PLEKHA5: variants seen among roughly 807,000 people sequenced by gnomAD.
PLEKHA5 encodes pleckstrin homology domain containing A5, also known as pleckstrin homology domain-containing family A member 5.
PLEKHA5 carries 55 observed loss-of-function variants against 181.9 expected under a neutral mutation model. The observed-to-expected ratio is 0.30, with a 90% CI of 0.24 to 0.38. PLEKHA5 has a LOEUF of 0.38. Ranked by LOEUF, PLEKHA5 falls within the 10% of genes least tolerant of loss-of-function variation. The pLI, the probability that PLEKHA5 is intolerant of heterozygous loss-of-function variation, is 1.00. For synonymous variants in PLEKHA5, 535 were observed against 529.4 expected (o/e 1.01, Z -0.15); for missense variants, 1,432 against 1,549.5 (o/e 0.92, Z 1.27).
chr12:19,138,481 G>A (rs2036310594), intron 3 of PLEKHA5, among the ~76,000 whole-genome samples: 1 of 151,788 alleles, frequency 6.6e-6, no homozygotes, highest in Non-Finnish European at 1.5e-5. Flanking sequence ...GCTGAGGCAG[G>A]AGAATCGCTT....
At chr12:19,131,043 C>T (rs753220706) in intron 2 of PLEKHA5, among the ~76,000 whole-genome samples, 10 of 152,174 alleles carry the variant, frequency 6.6e-5, no homozygotes, top group Non-Finnish European at 1.3e-4. Context: ...CTGTACTGGT[C>T]TGGGTTTCTT....
intron 3 of PLEKHA5, among the ~76,000 whole-genome samples, chr12:19,221,837 G>C (rs2058988929): frequency 6.6e-6 from 1 of 152,082 alleles, no homozygotes; most frequent in Non-Finnish European, 1.5e-5. Context: ...AGAAAGTCTG[G>C]GGAACTATCA....
chr12:19,218,280 T>C (rs1455733681), intron 3 of PLEKHA5, among the ~76,000 whole-genome samples: 2 of 152,142 alleles, frequency 1.3e-5, no homozygotes, highest in East Asian at 1.9e-4. Flanking sequence ...TTACCAGTAA[T>C]GTTTGCACAA....
At chr12:19,368,779 C>A (rs1336145096) in intron 30 of PLEKHA5, among the ~76,000 whole-genome samples, 1 of 151,884 alleles carries the variant, frequency 6.6e-6, no homozygotes, top group East Asian at 1.9e-4. Context: ...CAACAAAGAG[C>A]GAAATTCTGT....
At chr12:19,346,801 T>A (rs1398024765) in intron 23 of PLEKHA5, among the ~76,000 whole-genome samples, 193 bp from the exon 24 acceptor site, 1 of 152,158 alleles carries the variant, frequency 6.6e-6, no homozygotes, top group African/African-American at 2.4e-5. Context: ...TCAGATGTAA[T>A]TATATGTTAA....
Position 19,131,549 on chromosome 12 carries a change from A to G in PLEKHA5, c.170-844A>G, listed in dbSNP as rs1045444433. 5.3e-5 allele frequency among the ~76,000 whole-genome samples: 8 copies of G among 152,292 alleles called. No individual in the cohort carries two copies. In the East Asian group the frequency reaches 5.8e-4, roughly 11 times the overall value. On this transcript the variant is annotated intron_variant, in intron 2 of 31. Coordinates refer to ENST00000429027, the MANE Select transcript of PLEKHA5 (RefSeq NM_001256470.2). ...TTTATTTCATGAAAGACGATATGAC[A>G]TTTAAATTATTTAGACTAATTATCC...
In PLEKHA5 at chr12:19,274,640, GAAA is replaced by G; in HGVS notation, c.975_977del (p.Lys326del). On this transcript the variant is annotated inframe_deletion, in exon 11 of 32. Transcript: ENST00000429027. ...AAACAAGGAAATGAGCAAAATTGAA[GAAA>G]AAAAGGCATTAGAAGCTGAAAAATA... is the stretch of plus-strand genomic sequence containing the variant. 1 of 1,613,506 alleles carries G rather than the reference GAAA, an allele frequency of 6.2e-7. No individual in the cohort carries two copies. Among genetic ancestry groups the G allele is most frequent in the South Asian group, 1.1e-5 (1 of 91,052 alleles).
At chr12:19,306,867 G>C (rs767015721) in intron 15 of PLEKHA5, 22 of 789,958 alleles carry the variant, frequency 2.8e-5, no homozygotes, top group Non-Finnish European at 4.2e-5. Context: ...TATGCAGAAG[G>C]AGTTATTCCT....
chr12:19,223,071 G>A (rs1592117483), intron 3 of PLEKHA5, among the ~76,000 whole-genome samples: 1 of 149,584 alleles, frequency 6.7e-6, no homozygotes, highest in East Asian at 2.0e-4. Context: ...TTGCAGTTAG[G>A]CAGGCCTAGC....
intron 3 of PLEKHA5, among the ~76,000 whole-genome samples, chr12:19,204,175 A>G (rs1164385668): frequency 6.6e-6 from 1 of 152,020 alleles, no homozygotes; most frequent in African/African-American, 2.4e-5. Flanking sequence ...AGACATTTAT[A>G]TAGAAGGGTG....
At chr12:19,176,118 A>C (rs1037203505) in intron 3 of PLEKHA5, among the ~76,000 whole-genome samples, 6 of 152,122 alleles carry the variant, frequency 3.9e-5, no homozygotes, top group African/African-American at 1.2e-4. Context: ...TATTTTATTA[A>C]ACCATGAGAT....
chr12:19,345,361 C>T (rs1291533924), intron 22 of PLEKHA5, among the ~76,000 whole-genome samples: 2 of 151,192 alleles, frequency 1.3e-5, no homozygotes, highest in Admixed American at 6.6e-5. Flanking sequence ...GATCTTGCCA[C>T]TGCACTCCAG....
chr12:19,278,624 CAT>C (rs1218504463), intron 11 of PLEKHA5, among the ~76,000 whole-genome samples: 10 of 152,104 alleles, frequency 6.6e-5, no homozygotes, highest in African/African-American at 2.2e-4. Context: ...CATATTTGCA[CAT>C]AGTCATGGGA....
Position 19,274,604 on chromosome 12 carries a change from A to C in PLEKHA5, c.934A>C (p.Asn312His). 6.2e-7 allele frequency: 1 copy of C among 1,613,790 alleles called. No individual in the cohort carries two copies. Reference protein sequence around the residue: ...HRVLIKPEIQNNQKNKEMSKI... With the variant: ...HRVLIKPEIQHNQKNKEMSKI... ...AGTGCTAATTAAACCAGAGATCCAA[A>C]ACAATCAAAAAAACAAGGAAATGAG... The change falls in exon 11 of 32, where the codon AAC (asparagine) becomes CAC (histidine). Residue 312 changes from asparagine to histidine, a missense_variant. Around this residue, in one of 2 missense-constraint regions of PLEKHA5, gnomAD observed 1,143 missense variants for 1,168.4 expected, o/e 0.98. Coordinates refer to ENST00000429027, the MANE Select transcript of PLEKHA5 (RefSeq NM_001256470.2).
intron 3 of PLEKHA5, among the ~76,000 whole-genome samples, chr12:19,186,616 T>C (rs1388891058): frequency 2.0e-5 from 3 of 152,198 alleles, no homozygotes; most frequent in African/African-American, 7.2e-5. Context: ...AGATTGAAAT[T>C]GAGTCCAGTC....
At position 19,257,458 on chromosome 12, in the gene PLEKHA5, A is replaced by G; in HGVS notation, c.458A>G (p.His153Arg). 6.2e-7 allele frequency: 1 copy of G among 1,602,994 alleles called. No individual in the cohort carries two copies. Among genetic ancestry groups the G allele is most frequent in the South Asian group, 1.1e-5 (1 of 89,898 alleles). ...ACTTCACGAGCTTCAAAAAAAGTTC[A>G]TAATTTTGGAAAGAGGTCAAATTCA... ...GRTSRASKKV[H>R]NFGKRSNSIK... is the part of the protein sequence containing the mutation. Residue 153 changes from histidine to arginine, a missense_variant, in exon 6 of 32, where the codon CAT becomes CGT. By Grantham distance (29) the His-to-Arg change is conservative. Transcript: ENST00000429027.
At chr12:19,149,765 C>T (rs1314460350) in intron 3 of PLEKHA5, 1 of 152,132 alleles carries the variant, frequency 6.6e-6, no homozygotes. Context: ...ATCTGCTAGG[C>T]CCAGGCTTGC....
At position 19,320,005 on chromosome 12, in the gene PLEKHA5, CTTCA is replaced by C. The variant is rs1360569848; in HGVS notation, c.2119-13_2119-10del. On this transcript the variant is annotated splice_polypyrimidine_tract_variant and intron_variant, in intron 16 of 31. Transcript: ENST00000429027. ...CTTTTCAATTAAACCCATCCTTTTC[CTTCA>C]TTATCTTTTAGTTCTTAAGACAGAA... 1.6e-5 allele frequency: 21 copies of C among 1,350,720 alleles called. No individual in the cohort carries two copies. Among genetic ancestry groups the C allele is most frequent in the Non-Finnish European group, 2.1e-5 (21 of 992,792 alleles). 83.7% of individuals were successfully genotyped at this position (1,350,720 alleles called of 1,614,324 possible). A position where few individuals can be genotyped will look rare whatever the true frequency, so the allele number is the denominator to read the frequency against.
chr12:19,139,134 C>T (rs778379624), intron 3 of PLEKHA5, among the ~76,000 whole-genome samples: 9 of 151,952 alleles, frequency 5.9e-5, no homozygotes, highest in South Asian at 4.2e-4. Flanking sequence ...ATGTTAAAGA[C>T]GAGCTGACAG....
Sources: allele counts gnomAD v4.1 joint callset (sites outside exome capture counted in the v4.1 genomes callset), GRCh38; gene constraint gnomAD v4.1.1; regional missense constraint gnomAD v4.1.1; transcripts MANE v1.5; gene names NCBI Gene and HGNC (gene_info 2026-07-23, HGNC 2026-07-21).